CNTNAP3B: variants seen among roughly 807,000 people sequenced by gnomAD.
CNTNAP3B encodes contactin-associated protein-like 3B.
In CNTNAP3B, 25 loss-of-function variants were observed where a neutral mutation model predicts 108.9. The observed-to-expected ratio is 0.23, with a 90% CI of 0.17 to 0.32. CNTNAP3B has a LOEUF of 0.32. Ranked by LOEUF, CNTNAP3B falls within the 10% of genes least tolerant of loss-of-function variation. CNTNAP3B has a pLI of 1.00. For synonymous variants in CNTNAP3B, 103 were observed against 473.4 expected (o/e 0.22, Z 10.16); for missense variants, 252 against 1,210.4 (o/e 0.21, Z 11.75).
At chr9:42,098,463 G>A (rs1489199423) in intron 2 of CNTNAP3B, among the ~76,000 whole-genome samples, 1 of 109,528 alleles carries the variant, frequency 9.1e-6, no homozygotes, top group Admixed American at 9.4e-5. Flanking sequence ...GGTGCCTGTA[G>A]TCCCAGCTAC....
intron 3 of CNTNAP3B, among the ~76,000 whole-genome samples, chr9:42,014,902 G>A (rs983669665): frequency 2.5e-5 from 1 of 39,772 alleles, no homozygotes; most frequent in African/African-American, 1.1e-4. Flanking sequence ...ATAAACACAT[G>A]GAAATAAAAA....
intron 15 of CNTNAP3B, among the ~76,000 whole-genome samples, chr9:41,925,116 A>ATTT (rs1823778190): frequency 5.9e-5 from 9 of 151,630 alleles, no homozygotes; most frequent in Non-Finnish European, 1.0e-4. Flanking sequence ...CTCTTTTTTC[A>ATTT]TGTATTTTTG....
intron 13 of CNTNAP3B, among the ~76,000 whole-genome samples, chr9:41,951,814 C>T (rs1376544192): frequency 2.6e-5 from 4 of 152,206 alleles, no homozygotes; most frequent in Non-Finnish European, 4.4e-5. Flanking sequence ...CGGTGGCTCA[C>T]GCCTGTAATC....
intron 14 of CNTNAP3B, among the ~76,000 whole-genome samples, chr9:41,937,097 C>CGTT (rs1363772273): frequency 0.011 from 1,410 of 130,440 alleles, 21 homozygotes; most frequent in African/African-American, 0.03. Flanking sequence ...ATGACCATTA[C>CGTT]ATTTTTTATT....
chr9:41,925,346 C>T (rs560914812), intron 15 of CNTNAP3B, among the ~76,000 whole-genome samples: 2 of 152,158 alleles, frequency 1.3e-5, no homozygotes, highest in Non-Finnish European at 2.9e-5. Flanking sequence ...GTAATCCCAG[C>T]AGTTTGGGAG....
In CNTNAP3B at chr9:42,118,047, C is replaced by T. The variant is rs1405114192; in HGVS notation, c.85+10963G>A. On this transcript the variant is annotated intron_variant, in intron 1 of 23. Transcript: ENST00000377561. ...AGGCAATAAGTAATAGCTTAACAAC[C>T]AAAAAAAGTCCAGGACCAGATGGAT... Among the ~76,000 whole-genome samples the T allele has an allele frequency of 6.1e-5, 8 of 130,410 alleles. 1 individual carries two copies. Among genetic ancestry groups the T allele is most frequent in the Admixed American group, 3.1e-4 (4 of 13,082 alleles). The allele number at this position is 130,410 out of a possible 152,430, so 85.6% of individuals were successfully genotyped here. A position where few individuals can be genotyped will look rare whatever the true frequency, so the allele number is the denominator to read the frequency against.
intron 12 of CNTNAP3B, chr9:41,960,016 T>C (rs1239990747): frequency 4.7e-4 from 60 of 127,270 alleles, no homozygotes; most frequent in Non-Finnish European, 8.4e-5. Flanking sequence ...TTTTTTTTTT[T>C]GAGATGCAGT....
intron 12 of CNTNAP3B, among the ~76,000 whole-genome samples, chr9:41,960,506 T>A (rs1825046545): frequency 6.6e-6 from 1 of 152,230 alleles, no homozygotes; most frequent in African/African-American, 2.4e-5. Context: ...GTTTGTATTT[T>A]ATCATGATGC....
In CNTNAP3B at chr9:42,106,349, A is replaced by G. The variant is rs1315862390; in HGVS notation, c.86-1610T>C. Among the ~76,000 whole-genome samples, 10 of 80,770 alleles carry G rather than the reference A, an allele frequency of 1.2e-4. 3 individuals carry two copies. The highest frequency in any genetic ancestry group is 2.0e-4 in the Non-Finnish European group (8 of 40,098). The allele number at this position is 80,770 out of a possible 152,430, so 53.0% of individuals were successfully genotyped here. A position where few individuals can be genotyped will look rare whatever the true frequency, so the allele number is the denominator to read the frequency against. The stretch of plus-strand genomic sequence containing the variant: ...ATAAGTGACAATGTCACATTTATAC[A>G]GGTGAGTCAGACACTGGAATTTGTG... On this transcript the variant is annotated intron_variant, in intron 1 of 23. Transcript: ENST00000377561.
intron 15 of CNTNAP3B, among the ~76,000 whole-genome samples, chr9:41,925,839 T>A (rs1249018273): frequency 6.6e-6 from 1 of 152,296 alleles, no homozygotes; most frequent in Non-Finnish European, 1.5e-5. Context: ...AGGCTCATCT[T>A]AAATTTTCTC....
At position 41,972,564 on chromosome 9, in the gene CNTNAP3B, G is replaced by A. The variant is rs539727147; in HGVS notation, c.1478-2319C>T. Among the ~76,000 whole-genome samples, 462 of 138,680 alleles carry A rather than the reference G, an allele frequency of 3.3e-3. 66 individuals carry two copies. Among genetic ancestry groups the A allele is most frequent in the Non-Finnish European group, 5.5e-3 (358 of 64,824 alleles). 91.0% of individuals were successfully genotyped at this position (138,680 alleles called of 152,430 possible). A position where few individuals can be genotyped will look rare whatever the true frequency, so the allele number is the denominator to read the frequency against. On this transcript the variant is annotated intron_variant, in intron 9 of 23. Transcript: ENST00000377561. ...ATACTTTCTGCTTTAGATCCCTAAA[G>A]TAAAAGCCTCCCTCATATTAAGGCT...
At chr9:42,026,905 T>C (rs1272186089) in intron 3 of CNTNAP3B, among the ~76,000 whole-genome samples, 8 of 119,214 alleles carry the variant, frequency 6.7e-5, no homozygotes, top group Non-Finnish European at 1.0e-4. Flanking sequence ...CGGGGTCTCT[T>C]ACCTAATCCA....
intron 13 of CNTNAP3B, among the ~76,000 whole-genome samples, chr9:41,943,516 C>T (rs1327803219): frequency 3.3e-5 from 5 of 151,980 alleles, no homozygotes; most frequent in African/African-American, 1.2e-4. Flanking sequence ...CCACGCCCAG[C>T]TAATTTTTTG....
chr9:41,954,940 C>A (rs1587141096), intron 12 of CNTNAP3B, among the ~76,000 whole-genome samples: 1 of 152,014 alleles, frequency 6.6e-6, no homozygotes, highest in Non-Finnish European at 1.5e-5. Context: ...CCCGCCTTGG[C>A]CTCCCAAAGT....
chr9:41,944,862 T>A (rs1485856889), intron 13 of CNTNAP3B, among the ~76,000 whole-genome samples: 1 of 152,280 alleles, frequency 6.6e-6, no homozygotes, highest in African/African-American at 2.4e-5. Context: ...ATTTTTGCAA[T>A]CTACCCATCT....
intron 3 of CNTNAP3B, among the ~76,000 whole-genome samples, chr9:42,056,661 A>C (rs138024146): frequency 2.9e-5 from 4 of 138,046 alleles, no homozygotes; most frequent in African/African-American, 8.6e-5. Context: ...TATCTCATAA[A>C]TTTATATACT....
At chr9:42,049,838 T>TTTTG (rs1424143525) in intron 3 of CNTNAP3B, among the ~76,000 whole-genome samples, 1 of 39,160 alleles carries the variant, frequency 2.6e-5, no homozygotes, top group South Asian at 9.4e-4. Flanking sequence ...CTTATCACTT[T>TTTTG]TTTGTTTGTT....
intron 1 of CNTNAP3B, among the ~76,000 whole-genome samples, chr9:42,125,665 G>GTTTTTTTTTTTTTT (rs200934708): frequency 4.2e-5 from 5 of 118,972 alleles, no homozygotes; most frequent in African/African-American, 6.9e-5. Flanking sequence ...TACATTTTTT[G>GTTTTTTTTTTTTTT]TTTTTTTTTT....
At chr9:42,038,220 A>G (rs1826673311) in intron 3 of CNTNAP3B, among the ~76,000 whole-genome samples, 1 of 114,856 alleles carries the variant, frequency 8.7e-6, no homozygotes, top group Non-Finnish European at 1.8e-5. Context: ...AACTGCATCA[A>G]CTAACGAGCA....
Sources: allele counts gnomAD v4.1 joint callset (sites outside exome capture counted in the v4.1 genomes callset), GRCh38; gene constraint gnomAD v4.1.1; transcripts MANE v1.5; gene names NCBI Gene and HGNC (gene_info 2026-07-23, HGNC 2026-07-21).